The following KIRREL3 variants were observed in gnomAD, a reference collection of about 807,000 sequenced individuals.
KIRREL3 encodes kin of IRRE-like protein 3.
A neutral mutation model predicts 89.7 loss-of-function variants in KIRREL3; 36 were observed. That is an observed-to-expected ratio of 0.40 (90% CI 0.31 to 0.53). The LOEUF is 0.53. KIRREL3 is among the 20% of genes least tolerant of loss of function. KIRREL3 has a pLI of 0.49. For synonymous variants in KIRREL3, 445 were observed against 441.4 expected (o/e 1.01, Z -0.10); for missense variants, 864 against 1,056.6 (o/e 0.82, Z 2.53).
chr11:126,858,634 G>A (rs1944612714), intron 1 of KIRREL3, among the ~76,000 whole-genome samples: 1 of 152,148 alleles, frequency 6.6e-6, no homozygotes, highest in Admixed American at 6.5e-5. Context: ...GAGGTCAGTA[G>A]CAGTGTCTGT....
chr11:126,790,993 C>G (rs953019705), intron 1 of KIRREL3, among the ~76,000 whole-genome samples: 7 of 152,112 alleles, frequency 4.6e-5, no homozygotes, highest in Admixed American at 3.3e-4. Flanking sequence ...ACTGAGCAAA[C>G]TGGGTGGTGT....
rs557827485 is a variant in KIRREL3 at position 126,431,213 on chromosome 11, A to T, written c.1696+206T>A. 1 of 1,497,354 alleles carries T rather than the reference A, an allele frequency of 6.7e-7. No homozygotes were observed. The highest frequency in any genetic ancestry group is 8.9e-7 in the Non-Finnish European group (1 of 1,118,722). The allele number at this position is 1,497,354 out of a possible 1,614,324, so 92.8% of individuals were successfully genotyped here. A position where few individuals can be genotyped will look rare whatever the true frequency, so the allele number is the denominator to read the frequency against. On this transcript the variant is annotated intron_variant, in intron 14 of 16. Transcript: ENST00000525144. This position sits in a 1 kb window ranked among gnomAD's most constrained non-coding sequence, Gnocchi z 7.1. ...ATGAAGTTCAGTCTAGTCCAGGTCA[A>T]CCTCAGCCTAGCGCCCACTCTGCCA...
intron 4 of KIRREL3, among the ~76,000 whole-genome samples, chr11:126,482,792 GC>G (rs1171288750): frequency 1.3e-5 from 2 of 152,024 alleles, no homozygotes; most frequent in Admixed American, 1.3e-4. Flanking sequence ...CTCCCTCTGG[GC>G]CCCCCCACAT....
In KIRREL3 at chr11:126,513,943, G is replaced by T. The variant is rs1036609089; in HGVS notation, c.433+7372C>A. On this transcript the variant is annotated intron_variant, in intron 4 of 16. Coordinates refer to ENST00000525144, the MANE Select transcript of KIRREL3 (RefSeq NM_032531.4). The surrounding 1 kb of genome is among the most constrained non-coding windows in gnomAD (Gnocchi z 5.9). ...TATGTCAGCCTCAGATACCCTTCATGGCCCCCAGCTCTGCTCACTTTATCA... is the reference window on the plus strand; with the variant it reads ...TATGTCAGCCTCAGATACCCTTCATTGCCCCCAGCTCTGCTCACTTTATCA... Among the ~76,000 whole-genome samples, 1 of 152,138 alleles carries T rather than the reference G, an allele frequency of 6.6e-6. No individual in the cohort carries two copies. The highest frequency in any genetic ancestry group is 1.5e-5 in the Non-Finnish European group (1 of 68,032).
At position 126,627,016 on chromosome 11, in the gene KIRREL3, CAAA is replaced by C. The variant is rs573664615; in HGVS notation, c.56-64107_56-64105del. Among the ~76,000 whole-genome samples, 22 of 59,072 alleles carry C rather than the reference CAAA, an allele frequency of 3.7e-4. No individual in the cohort carries two copies. Among genetic ancestry groups the C allele is most frequent in the African/African-American group, 9.7e-4 (20 of 20,648 alleles). 38.8% of individuals were successfully genotyped at this position (59,072 alleles called of 152,430 possible). A position where few individuals can be genotyped will look rare whatever the true frequency, so the allele number is the denominator to read the frequency against. ...ACACTGTCTCAAGAAAAAAAAAAAA[CAAA>C]AAAAAAAGAATAACCACAGTTTTGA... On this transcript the variant is annotated intron_variant, in intron 1 of 16. Coordinates refer to ENST00000525144, the MANE Select transcript of KIRREL3 (RefSeq NM_032531.4). This position sits in a 1 kb window ranked among gnomAD's most constrained non-coding sequence, Gnocchi z 5.0.
intron 11 of KIRREL3, among the ~76,000 whole-genome samples, chr11:126,437,807 A>G (rs1037076970): frequency 1.3e-5 from 2 of 152,180 alleles, no homozygotes; most frequent in African/African-American, 4.8e-5. Flanking sequence ...ACATGTACAT[A>G]CCACAACACA....
chr11:126,758,175 C>A (rs991304317), intron 1 of KIRREL3, among the ~76,000 whole-genome samples: 2 of 152,216 alleles, frequency 1.3e-5, no homozygotes, highest in Admixed American at 6.5e-5. Flanking sequence ...AATGACTTTT[C>A]GATAAAGCTG....
intron 1 of KIRREL3, among the ~76,000 whole-genome samples, chr11:126,853,183 G>A (rs962609752): frequency 6.6e-6 from 1 of 152,090 alleles, no homozygotes; most frequent in Non-Finnish European, 1.5e-5. Context: ...CGCTGTGTGT[G>A]TTTTTTCCCT....
chr11:126,945,649 CCCT>C (rs1948601643), intron 1 of KIRREL3, among the ~76,000 whole-genome samples: 1 of 152,136 alleles, frequency 6.6e-6, no homozygotes, highest in South Asian at 2.1e-4. Context: ...GACAGATGTT[CCCT>C]CCTCCTTGAG....
At chr11:126,584,049 A>G (rs1941697137) in intron 1 of KIRREL3, among the ~76,000 whole-genome samples, 1 of 152,242 alleles carries the variant, frequency 6.6e-6, no homozygotes, top group Non-Finnish European at 1.5e-5. Context: ...GCTGACATTC[A>G]GCGTGCACAA....
rs632336 is a variant in KIRREL3 at position 126,623,773 on chromosome 11, T to A, written c.56-60861A>T. 1.3e-5 allele frequency among the ~76,000 whole-genome samples: 2 copies of A among 152,070 alleles called. No homozygotes were observed. The highest frequency in any genetic ancestry group is 4.8e-5 in the African/African-American group (2 of 41,388). ...TAGAAAACAAAGATATACATAGAAA[T>A]TCTAGGTTCTCAAGAAAATAAACAA... On this transcript the variant is annotated intron_variant, in intron 1 of 16. Coordinates refer to ENST00000525144, the MANE Select transcript of KIRREL3 (RefSeq NM_032531.4). The surrounding 1 kb of genome is among the most constrained non-coding windows in gnomAD (Gnocchi z 4.1).
At chr11:126,711,821 G>T (rs1947766843) in intron 1 of KIRREL3, among the ~76,000 whole-genome samples, 1 of 152,224 alleles carries the variant, frequency 6.6e-6, no homozygotes, top group Non-Finnish European at 1.5e-5. Flanking sequence ...AAGCCACAGA[G>T]CCTCCCCTCC....
intron 1 of KIRREL3, among the ~76,000 whole-genome samples, chr11:126,958,563 G>T (rs1948991637): frequency 6.6e-6 from 1 of 152,204 alleles, no homozygotes; most frequent in East Asian, 1.9e-4. Context: ...CCAGGGATAT[G>T]CCTGCCTCTT....
Position 126,563,869 on chromosome 11 carries a change from C to G in KIRREL3, c.56-957G>C, listed in dbSNP as rs1189154508. On this transcript the variant is annotated intron_variant, in intron 1 of 16. Coordinates refer to ENST00000525144, the MANE Select transcript of KIRREL3 (RefSeq NM_032531.4). The surrounding 1 kb of genome is among the most constrained non-coding windows in gnomAD (Gnocchi z 6.8). ...TAGCACACTAATTTTTTTGACCCCC[C>G]TCTACCCCCAAACAACTCACTGAGG... Among the ~76,000 whole-genome samples, 1 of 152,124 alleles carries G rather than the reference C, an allele frequency of 6.6e-6. No homozygotes were observed. The highest frequency in any genetic ancestry group is 1.5e-5 in the Non-Finnish European group (1 of 68,022).
chr11:126,849,860 G>A (rs1944283991), intron 1 of KIRREL3, among the ~76,000 whole-genome samples: 1 of 152,176 alleles, frequency 6.6e-6, no homozygotes, highest in South Asian at 2.1e-4. Flanking sequence ...GCAGCAGTGA[G>A]GTCCATCCAT....
chr11:126,455,632 CAA>C lies in KIRREL3; in HGVS notation c.848+715_848+716del, dbSNP rs71048789. Among the ~76,000 whole-genome samples the C allele has an allele frequency of 0.17, 24,400 of 142,908 alleles. 2,538 individuals are homozygous for C. Among genetic ancestry groups the C allele is most frequent in the East Asian group, 0.37 (1,844 of 4,954 alleles). The allele number at this position is 142,908 out of a possible 152,430, so 93.8% of individuals were successfully genotyped here. A position where few individuals can be genotyped will look rare whatever the true frequency, so the allele number is the denominator to read the frequency against. ...TGAAACGCTGTCTCTACTAAAAATACAAAAAAAAAAAAAAATTAGCTGGCGTG... is the reference window on the plus strand; with the variant it reads ...TGAAACGCTGTCTCTACTAAAAATACAAAAAAAAAAAAATTAGCTGGCGTG... On this transcript the variant is annotated intron_variant, in intron 7 of 16. Transcript: ENST00000525144. The surrounding 1 kb of genome is among the most constrained non-coding windows in gnomAD (Gnocchi z 6.4).
intron 1 of KIRREL3, among the ~76,000 whole-genome samples, chr11:126,856,010 T>C (rs1944494026): frequency 6.6e-6 from 1 of 152,204 alleles, no homozygotes; most frequent in Non-Finnish European, 1.5e-5. Flanking sequence ...ATCTTCCCTC[T>C]GCCTGCAGCC....
At chr11:126,632,148 C>G (rs561133395) in intron 1 of KIRREL3, among the ~76,000 whole-genome samples, 1 of 152,224 alleles carries the variant, frequency 6.6e-6, no homozygotes, top group Non-Finnish European at 1.5e-5. Context: ...CCAATAAGTT[C>G]CCAGGTCAGG....
chr11:126,502,574 G>A (rs1957895876), intron 4 of KIRREL3, among the ~76,000 whole-genome samples: 1 of 152,188 alleles, frequency 6.6e-6, no homozygotes, highest in African/African-American at 2.4e-5. Context: ...CTCTTTTGGT[G>A]CTGTGTCTCT....
Sources: allele counts gnomAD v4.1 joint callset (sites outside exome capture counted in the v4.1 genomes callset), GRCh38; gene constraint gnomAD v4.1.1; non-coding constraint Gnocchi (gnomAD v3.1); transcripts MANE v1.5; gene names NCBI Gene and HGNC (gene_info 2026-07-23, HGNC 2026-07-21).